The following ULK4 variants were observed in gnomAD, a reference collection of about 807,000 sequenced individuals.
ULK4 encodes inactive serine/threonine-protein kinase ULK4.
Under a neutral mutation model 160.6 loss-of-function variants are expected in ULK4, and 133 were observed. That is an observed-to-expected ratio of 0.83 (90% confidence interval 0.72 to 0.96). The LOEUF (loss-of-function observed/expected upper bound fraction) is 0.96, where lower values mean the gene tolerates loss of function less well. Ranked by LOEUF, ULK4 falls within the 40% of genes least tolerant of loss-of-function variation. The pLI, the probability that ULK4 is intolerant of heterozygous loss-of-function variation, is 0.00. For missense variants in ULK4, 1,580 were observed against 1,499.5 expected, an observed-to-expected ratio of 1.05 and a Z score of -0.89; for synonymous variants, 534 against 539.8, an observed-to-expected ratio of 0.99 and a Z score of 0.15.
intron 21 of ULK4, among the ~76,000 whole-genome samples, chr3:41,757,380 C>G (rs1195054790): frequency 6.6e-6 from 1 of 152,074 alleles, no homozygotes; most frequent in Non-Finnish European, 1.5e-5. Context: ...CGCCTGTAAT[C>G]CCAGCACTTT....
At chr3:41,353,904 G>C (rs1471783540) in intron 35 of ULK4, among the ~76,000 whole-genome samples, 2 of 151,982 alleles carry the variant, frequency 1.3e-5, no homozygotes, top group Non-Finnish European at 2.9e-5. Flanking sequence ...CACCTTAGAA[G>C]TTTATTTCTT....
At chr3:41,902,304 G>A (rs1698400558) in intron 12 of ULK4, among the ~76,000 whole-genome samples, 1 of 152,132 alleles carries the variant, frequency 6.6e-6, no homozygotes, top group African/African-American at 2.4e-5. Context: ...AAGAGGCCGG[G>A]TGCAGTGGCT....
intron 30 of ULK4, among the ~76,000 whole-genome samples, chr3:41,640,976 T>C (rs1253015778): frequency 6.6e-6 from 1 of 152,226 alleles, no homozygotes; most frequent in Non-Finnish European, 1.5e-5. Flanking sequence ...CATTCATTGT[T>C]TGAATCCTGT....
chr3:41,667,222 T>C (rs1012838177), intron 29 of ULK4, among the ~76,000 whole-genome samples: 1 of 151,476 alleles, frequency 6.6e-6, no homozygotes, highest in Non-Finnish European at 1.5e-5. Flanking sequence ...GAAATCAAAG[T>C]GTCTTGAGGT....
intron 17 of ULK4, among the ~76,000 whole-genome samples, chr3:41,870,888 C>A (rs1697064498): frequency 6.6e-6 from 1 of 152,172 alleles, no homozygotes; most frequent in Non-Finnish European, 1.5e-5. Flanking sequence ...ATAATCCCCA[C>A]ATGTCAAGGG....
chr3:41,443,569 A>G (rs1225449133), intron 34 of ULK4, among the ~76,000 whole-genome samples: 16 of 152,130 alleles, frequency 1.1e-4, no homozygotes. Flanking sequence ...ACTTTCATGT[A>G]ATTACTTCCA....
At chr3:41,836,956 T>A (rs1037156091) in intron 17 of ULK4, among the ~76,000 whole-genome samples, 1 of 152,172 alleles carries the variant, frequency 6.6e-6, no homozygotes, top group Non-Finnish European at 1.5e-5. Context: ...GAAAAAAATG[T>A]ATATAAAATA....
At chr3:41,500,224 GT>G (rs34408113) in intron 32 of ULK4, among the ~76,000 whole-genome samples, 10 of 138,492 alleles carry the variant, frequency 7.2e-5, no homozygotes, top group East Asian at 4.2e-4. Context: ...TTCCTTCAGG[GT>G]TTTTTTTTTC....
At chr3:41,806,989 A>G (rs1005496531) in intron 19 of ULK4, among the ~76,000 whole-genome samples, 1 of 151,944 alleles carries the variant, frequency 6.6e-6, no homozygotes, top group Non-Finnish European at 1.5e-5. Context: ...GTCTCTACCA[A>G]GCATGGTACA....
intron 18 of ULK4, among the ~76,000 whole-genome samples, chr3:41,823,401 T>C (rs1359459345): frequency 1.3e-5 from 2 of 152,080 alleles, no homozygotes; most frequent in South Asian, 2.1e-4. Context: ...TACAGAGACT[T>C]TGGCTGTGAC....
At chr3:41,931,468 C>CTTAAA (rs1464753322) in intron 5 of ULK4, among the ~76,000 whole-genome samples, 4 of 11,956 alleles carry the variant, frequency 3.3e-4, no homozygotes, top group Non-Finnish European at 1.4e-3. Context: ...TACCCTAGAA[C>CTTAAA]TTAAAAAAAA....
At chr3:41,701,274 T>G (rs1341896690) in intron 27 of ULK4, among the ~76,000 whole-genome samples, 2 of 152,108 alleles carry the variant, frequency 1.3e-5, no homozygotes, top group East Asian at 3.9e-4. Context: ...TTTAGTTACA[T>G]CATAGTGAAT....
At chr3:41,551,303 G>C (rs2087054454) in intron 32 of ULK4, among the ~76,000 whole-genome samples, 1 of 151,362 alleles carries the variant, frequency 6.6e-6, no homozygotes, top group Non-Finnish European at 1.5e-5. Flanking sequence ...AAGAAAAAGA[G>C]AGAGGCAAAA....
intron 32 of ULK4, among the ~76,000 whole-genome samples, chr3:41,465,351 A>C (rs892039584): frequency 1.3e-5 from 2 of 152,232 alleles, no homozygotes; most frequent in African/African-American, 4.8e-5. Context: ...CAAATACCAG[A>C]ACACATCTTA....
In ULK4 at chr3:41,308,297, G is replaced by A. The variant is rs1482997036; in HGVS notation, c.3679-58723C>T. 2.0e-5 allele frequency among the ~76,000 whole-genome samples: 3 copies of A among 152,092 alleles called. No homozygotes were observed. The East Asian group carries it at 5.8e-4, about 29-fold the overall frequency. On this transcript the variant is annotated intron_variant, in intron 35 of 36. Transcript: ENST00000301831. ...CTGGAAGAATAAAAAATAAAACAGC[G>A]CACGAGGGACACATCCTCAACACAG...
chr3:41,371,792 A>G (rs1426570818), intron 35 of ULK4, among the ~76,000 whole-genome samples: 1 of 152,078 alleles, frequency 6.6e-6, no homozygotes, highest in East Asian at 1.9e-4. Context: ...ATGGAGAACG[A>G]GTTTGATGAA....
At chr3:41,302,308 T>G (rs150469299) in intron 35 of ULK4, among the ~76,000 whole-genome samples, 1 of 152,202 alleles carries the variant, frequency 6.6e-6, no homozygotes, top group Non-Finnish European at 1.5e-5. Context: ...TTCCTTAACT[T>G]ATTATTAAGT....
chr3:41,607,813 T>C (rs1474982452), intron 31 of ULK4, among the ~76,000 whole-genome samples: 1 of 152,234 alleles, frequency 6.6e-6, no homozygotes, highest in Non-Finnish European at 1.5e-5. Flanking sequence ...TAGGCATGCC[T>C]GCATGCACAC....
chr3:41,341,263 A>G (rs1354141097), intron 35 of ULK4, among the ~76,000 whole-genome samples: 2 of 152,246 alleles, frequency 1.3e-5, no homozygotes, highest in African/African-American at 4.8e-5. Flanking sequence ...ACAGACTGAT[A>G]TAGGATTTAC....
Sources: allele counts gnomAD v4.1 joint callset (sites outside exome capture counted in the v4.1 genomes callset), GRCh38; gene constraint gnomAD v4.1.1; transcripts MANE v1.5; gene names NCBI Gene and HGNC (gene_info 2026-07-23, HGNC 2026-07-21).